Variants in LCLAT1 observed in about 807,000 individuals in gnomAD.
LCLAT1 encodes lysocardiolipin acyltransferase 1.
LCLAT1 carries 11 observed loss-of-function variants against 30.7 expected under a neutral mutation model. The ratio of observed to expected loss-of-function variants is 0.36; its 90% CI spans 0.23 to 0.59. LCLAT1 has a LOEUF of 0.59. LCLAT1 is among the 20% of genes least tolerant of loss of function. The pLI, the probability that LCLAT1 is intolerant of heterozygous loss-of-function variation, is 0.77. For synonymous variants in LCLAT1, 155 were observed against 151.3 expected (o/e 1.02, Z -0.18); for missense variants, 402 against 458.6 (o/e 0.88, Z 1.13).
rs181540214 is a variant in LCLAT1, at chr2:30,602,598, T to C, written c.628+34422T>C. ...GTCCCATCCAAAATCATCACTTCTC[T>C]GTCTCATTTCTTTCAAGTTTTTCAC... On this transcript the variant is annotated intron_variant, in intron 5 of 5. Coordinates refer to ENST00000379509, the MANE Select transcript of LCLAT1 (RefSeq NM_001002257.3). Among the ~76,000 whole-genome samples, 3 of 152,342 alleles carry C rather than the reference T, an allele frequency of 2.0e-5. No individual in the cohort carries two copies. The East Asian group carries it at 5.8e-4, about 29-fold the overall frequency.
chr2:30,620,611 G>A (rs1668198556), intron 5 of LCLAT1, among the ~76,000 whole-genome samples: 1 of 152,044 alleles, frequency 6.6e-6, no homozygotes, highest in East Asian at 1.9e-4. Flanking sequence ...CTCAAAATAT[G>A]CCACTTTATA....
intron 2 of LCLAT1, among the ~76,000 whole-genome samples, chr2:30,532,126 A>G (rs963611966): frequency 6.6e-6 from 1 of 152,128 alleles, no homozygotes; most frequent in African/African-American, 2.4e-5. Flanking sequence ...TTTATTGTAT[A>G]TATTTTTGTT....
chr2:30,588,042 C>G (rs964066836), intron 5 of LCLAT1, among the ~76,000 whole-genome samples: 8 of 152,248 alleles, frequency 5.3e-5, no homozygotes, highest in African/African-American at 1.9e-4. Flanking sequence ...ATTTCTGTCT[C>G]CTGAGCTCTG....
chr2:30,453,059 C>T (rs1260521577), intron 1 of LCLAT1, among the ~76,000 whole-genome samples: 1 of 152,070 alleles, frequency 6.6e-6, no homozygotes, highest in Non-Finnish European at 1.5e-5. Flanking sequence ...GATTACTGTT[C>T]TAGGGACAAA....
At chr2:30,478,155 T>G (rs1387504910) in intron 1 of LCLAT1, among the ~76,000 whole-genome samples, 3 of 152,012 alleles carry the variant, frequency 2.0e-5, no homozygotes, top group Non-Finnish European at 2.9e-5. Flanking sequence ...AACACGAGAT[T>G]GGGGTGTTAG....
intron 1 of LCLAT1, among the ~76,000 whole-genome samples, chr2:30,458,590 C>G (rs1681947844): frequency 6.6e-6 from 1 of 152,186 alleles, no homozygotes; most frequent in Non-Finnish European, 1.5e-5. Context: ...ACTTTTCCTT[C>G]TGACCCTCAG....
rs1669294260 is a variant in LCLAT1, at chr2:30,641,360, G to C, written c.*741G>C. The C allele has an allele frequency of 6.6e-6, 1 of 152,114 alleles. No individual in the cohort carries two copies. The highest frequency in any genetic ancestry group is 2.4e-5 in the African/African-American group (1 of 41,412). 9.4% of individuals were successfully genotyped at this position (152,114 alleles called of 1,614,324 possible). Reference sequence around the variant, plus strand: ...AAGTTCCTTTCTCACACTCAGTATTGCATGCTTAGTGCTGGTTTTCTTACA... The same window carrying C: ...AAGTTCCTTTCTCACACTCAGTATTCCATGCTTAGTGCTGGTTTTCTTACA... On this transcript the variant is annotated 3_prime_UTR_variant, in exon 6 of 6. Coordinates refer to ENST00000379509, the MANE Select transcript of LCLAT1 (RefSeq NM_001002257.3).
intron 5 of LCLAT1, among the ~76,000 whole-genome samples, chr2:30,598,951 T>C (rs1667052805): frequency 6.6e-6 from 1 of 151,960 alleles, no homozygotes; most frequent in South Asian, 2.1e-4. Flanking sequence ...CATGTAGTTG[T>C]ATGATTTTGA....
At position 30,516,123 on chromosome 2, in the gene LCLAT1, A is replaced by G. The variant is rs544054326; in HGVS notation, c.-4-9464A>G. Among the ~76,000 whole-genome samples, 5 of 152,330 alleles carry G rather than the reference A, an allele frequency of 3.3e-5. No individual in the cohort carries two copies. The Middle Eastern group carries it at 0.01, about 311-fold the overall frequency. ...CCCGTTAAGCTAAAAGCAGGAGGTA[A>G]AGAAATAGTCATCTATCGCCTGAGA... On this transcript the variant is annotated intron_variant, in intron 1 of 5. Transcript: ENST00000379509.
chr2:30,476,255 T>G (rs1015787021), intron 1 of LCLAT1: 1 of 385,466 alleles, frequency 2.6e-6, no homozygotes, highest in Non-Finnish European at 5.2e-6. Context: ...GTCCAATTTA[T>G]TTGTGTAGAT....
chr2:30,534,863 A>T (rs183830005), intron 3 of LCLAT1, among the ~76,000 whole-genome samples: 1 of 152,290 alleles, frequency 6.6e-6, no homozygotes, highest in Admixed American at 6.5e-5. Flanking sequence ...TCAGTATTTA[A>T]AAAACTGCCA....
intron 5 of LCLAT1, among the ~76,000 whole-genome samples, chr2:30,625,385 G>C (rs1205821287): frequency 6.6e-6 from 1 of 152,152 alleles, no homozygotes; most frequent in Non-Finnish European, 1.5e-5. Context: ...AGCTCAGTTA[G>C]AAATGAAATG....
chr2:30,553,597 T>C (rs1158969977), intron 3 of LCLAT1, among the ~76,000 whole-genome samples: 3 of 151,570 alleles, frequency 2.0e-5, no homozygotes, highest in African/African-American at 7.3e-5. Flanking sequence ...GGGTGGATCA[T>C]GAGGTCAGGA....
chr2:30,489,189 C>CGAGAGGGAGAG (rs1486645116), intron 1 of LCLAT1: 121 of 152,330 alleles, frequency 7.9e-4, no homozygotes, highest in African/African-American at 2.8e-3. Context: ...ATTCCCCTCT[C>CGAGAGGGAGAG]CACCATTGTA....
intron 4 of LCLAT1, among the ~76,000 whole-genome samples, chr2:30,563,645 A>G (rs1665341806): frequency 6.6e-6 from 1 of 152,206 alleles, no homozygotes; most frequent in African/African-American, 2.4e-5. Flanking sequence ...CTTAACTTTC[A>G]AATTTTTGGT....
chr2:30,494,614 G>A lies in LCLAT1; in HGVS notation c.-4-30973G>A, dbSNP rs189781052. Among the ~76,000 whole-genome samples the A allele has an allele frequency of 2.0e-3, 309 of 151,620 alleles. 2 individuals carry two copies. Among genetic ancestry groups the A allele is most frequent in the Non-Finnish European group, 1.3e-3 (90 of 67,908 alleles). On this transcript the variant is annotated intron_variant, in intron 1 of 5. Coordinates refer to ENST00000379509, the MANE Select transcript of LCLAT1 (RefSeq NM_001002257.3). ...TGTATGCATGCACGTATGTGTGTAT[G>A]CATACATGTATGTAAGTGTGTGTAT... is the stretch of plus-strand genomic sequence containing the variant.
At chr2:30,453,553 A>G (rs1054111927) in intron 1 of LCLAT1, among the ~76,000 whole-genome samples, 1 of 152,248 alleles carries the variant, frequency 6.6e-6, no homozygotes, top group African/African-American at 2.4e-5. Flanking sequence ...TTGAACACCA[A>G]AACGTTTCTT....
chr2:30,553,942 G>A (rs1664797571), intron 3 of LCLAT1, among the ~76,000 whole-genome samples: 1 of 151,962 alleles, frequency 6.6e-6, no homozygotes, highest in African/African-American at 2.4e-5. Context: ...TTAACATTAA[G>A]AAAAATCTGA....
chr2:30,506,373 G>T (rs1345284985), intron 1 of LCLAT1, among the ~76,000 whole-genome samples: 1 of 151,714 alleles, frequency 6.6e-6, no homozygotes, highest in Non-Finnish European at 1.5e-5. Flanking sequence ...ATTTCTAATG[G>T]TTTCTCAAAA....
Sources: gnomAD v4.1 joint callset for allele counts (sites outside exome capture counted in the v4.1 genomes callset) on GRCh38, gnomAD v4.1.1 for gene constraint, MANE v1.5 for transcripts, NCBI Gene and HGNC (gene_info 2026-07-23, HGNC 2026-07-21) for gene names.